The following SLC23A1 variants were observed in gnomAD, a reference collection of about 807,000 sequenced individuals.
The protein encoded by SLC23A1 is Na(+)/L-ascorbic acid transporter 1.
SLC23A1 carries 31 observed loss-of-function variants against 62.5 expected under a neutral mutation model. The observed-to-expected ratio is 0.50, with a 90% confidence interval of 0.37 to 0.67. The LOEUF (loss-of-function observed/expected upper bound fraction) is 0.67. Among genes scored for constraint, SLC23A1 ranks in the 30% least tolerant of loss-of-function variants. The pLI is 0.00. For missense variants in SLC23A1, 640 were observed against 782.7 expected, an observed-to-expected ratio of 0.82 and a Z score of 2.18; for synonymous variants, 271 against 313.2, an observed-to-expected ratio of 0.87 and a Z score of 1.42.
At position 139,379,143 on chromosome 5, in the gene SLC23A1, T is replaced by C; in HGVS notation, c.1073+64A>G. 2.6e-6 allele frequency: 4 copies of C among 1,565,544 alleles called. No individual in the cohort carries two copies. The highest frequency in any genetic ancestry group is 3.5e-6 in the Non-Finnish European group (4 of 1,139,906). ...CCTACCCCCTGGGCCTCCACCCCGTTCCTGTGTGTGCTTCCTGGGTGGCGC... is the reference window on the plus strand; with the variant it reads ...CCTACCCCCTGGGCCTCCACCCCGTCCCTGTGTGTGCTTCCTGGGTGGCGC... On this transcript the variant is annotated intron_variant, in intron 9 of 14. Coordinates refer to ENST00000348729, the MANE Select transcript of SLC23A1 (RefSeq NM_005847.5). This position sits in a 1 kb window ranked among gnomAD's most constrained non-coding sequence, Gnocchi z 4.7.
At chr5:139,370,735 C>T (rs146461960) in intron 14 of SLC23A1, among the ~76,000 whole-genome samples, 4 of 151,858 alleles carry the variant, frequency 2.6e-5, no homozygotes, top group South Asian at 2.1e-4. Flanking sequence ...CTCAGGTGAT[C>T]GCCCTTAAGA....
chr5:139,378,198 C>G lies in SLC23A1; in HGVS notation c.1309+24G>C, dbSNP rs539229791. ...CCCACTCGGCGACCCGCACCGCGAC[C>G]CGTGGCCCGCGCCAGACACTCACCA... On this transcript the variant is annotated intron_variant, in intron 11 of 14. Transcript: ENST00000348729. The surrounding 1 kb of genome is among the most constrained non-coding windows in gnomAD (Gnocchi z 4.5). The G allele has an allele frequency of 1.0e-4, 167 of 1,612,932 alleles. 2 individuals carry two copies. In the East Asian group the frequency reaches 3.5e-3, roughly 33 times the overall value.
upstream of SLC23A1, chr5:139,384,368 C>A: frequency 7.8e-7 from 1 of 1,287,782 alleles, no homozygotes; most frequent in Non-Finnish European, 1.0e-6. Flanking sequence ...TTCTGGGTCG[C>A]TGTGCCCATG....
upstream of SLC23A1, among the ~76,000 whole-genome samples, chr5:139,384,070 T>A (rs1437820508): frequency 6.6e-6 from 1 of 152,212 alleles, no homozygotes; most frequent in African/African-American, 2.4e-5. Context: ...TCCAAAAGTA[T>A]AAAGAATTTA....
chr5:139,382,034 A>C lies in SLC23A1; in HGVS notation c.166T>G (p.Phe56Val). The C allele has an allele frequency of 6.2e-7, 1 of 1,609,306 alleles. No homozygotes were observed. The highest frequency in any genetic ancestry group is 1.1e-5 in the South Asian group (1 of 89,974). ...LLGFQHYLTC[F>V]SGTIAVPFLL... The stretch of plus-strand genomic sequence containing the variant: ...AAGGGCACGGCGATGGTACCACTGA[A>C]GCATGTCAGGTAGTGCTGGGCAGAG... The change falls in exon 3 of 15, where the codon TTC (phenylalanine) becomes GTC (valine). Residue 56 changes from phenylalanine (F) to valine (V), a missense_variant. Coordinates refer to ENST00000348729, the MANE Select transcript of SLC23A1 (RefSeq NM_005847.5).
In SLC23A1 at chr5:139,378,382, T is replaced by A. The variant is rs901038025; in HGVS notation, c.1180-31A>T. On this transcript the variant is annotated intron_variant, in intron 10 of 14. Transcript: ENST00000348729. This position sits in a 1 kb window ranked among gnomAD's most constrained non-coding sequence, Gnocchi z 4.5. ...GGGGAGCCAGCGGGGAAGCTAGACCTGGGGACGAGGCTGGGGCGGGGTTAG... is the reference window on the plus strand; with the variant it reads ...GGGGAGCCAGCGGGGAAGCTAGACCAGGGGACGAGGCTGGGGCGGGGTTAG... 1 of 1,547,622 alleles carries A rather than the reference T, an allele frequency of 6.5e-7. No individual in the cohort carries two copies. The highest frequency in any genetic ancestry group is 8.7e-7 in the Non-Finnish European group (1 of 1,145,626).
chr5:139,385,136 A>G (rs1270915525), upstream of SLC23A1, among the ~76,000 whole-genome samples: 2 of 152,312 alleles, frequency 1.3e-5, no homozygotes, highest in East Asian at 3.9e-4. Context: ...GCATCTGTCA[A>G]AGGGGGATTA....
At chr5:139,373,179 TTG>T (rs1278048651) in intron 13 of SLC23A1, among the ~76,000 whole-genome samples, 2 of 151,370 alleles carry the variant, frequency 1.3e-5, no homozygotes, top group African/African-American at 4.9e-5. Flanking sequence ...GTTTTTTTTG[TTG>T]TTGTTGTTGT....
intron 14 of SLC23A1, chr5:139,369,780 G>C (rs1757539943): frequency 6.6e-6 from 1 of 152,270 alleles, no homozygotes; most frequent in African/African-American, 2.4e-5. Context: ...TTGAGTATGG[G>C]CCCAGTGCCT....
Position 139,379,880 on chromosome 5 carries a change from G to A in SLC23A1, c.769-46C>T. On this transcript the variant is annotated intron_variant, in intron 7 of 14. Transcript: ENST00000348729. This position sits in a 1 kb window ranked among gnomAD's most constrained non-coding sequence, Gnocchi z 4.7. Reference sequence around the variant, plus strand: ...GGCACTGAAGGCACTGGAGGTCTCTGTCCAGGCTAACCTGCTCCCACCTCA... The same window carrying A: ...GGCACTGAAGGCACTGGAGGTCTCTATCCAGGCTAACCTGCTCCCACCTCA... 1 of 1,613,946 alleles carries A rather than the reference G, an allele frequency of 6.2e-7. No individual in the cohort carries two copies. Among genetic ancestry groups the A allele is most frequent in the Non-Finnish European group, 8.5e-7 (1 of 1,179,880 alleles).
In SLC23A1 at chr5:139,379,778, G is replaced by A. The variant is rs760675502; in HGVS notation, c.825C>T (p.Asp275=). ...AGGCTTTTGGGTCTGTGGGCAGCACGTCTGTCAAGGTCAGGACATAGCAGA... is the reference window on the plus strand; with the variant it reads ...AGGCTTTTGGGTCTGTGGGCAGCACATCTGTCAAGGTCAGGACATAGCAGA... ...WLLCYVLTLT[D]VLPTDPKAYG... Residue 275 remains aspartate (D), a synonymous_variant, in exon 8 of 15, where the codon GAC becomes GAT. Coordinates refer to ENST00000348729, the MANE Select transcript of SLC23A1 (RefSeq NM_005847.5). This position sits in a 1 kb window ranked among gnomAD's most constrained non-coding sequence, Gnocchi z 4.7. 1.2e-5 allele frequency: 20 copies of A among 1,613,960 alleles called. No individual in the cohort carries two copies. The highest frequency in any genetic ancestry group is 5.0e-5 in the Admixed American group (3 of 60,004).
intron 13 of SLC23A1, among the ~76,000 whole-genome samples, chr5:139,372,903 A>C (rs956093055): frequency 3.3e-5 from 5 of 152,136 alleles, no homozygotes; most frequent in Non-Finnish European, 5.9e-5. Flanking sequence ...TTTAAGATGA[A>C]GAAAGGGACA....
intron 13 of SLC23A1, among the ~76,000 whole-genome samples, chr5:139,376,710 T>C (rs1483521732): frequency 6.6e-6 from 1 of 152,208 alleles, no homozygotes; most frequent in African/African-American, 2.4e-5. Context: ...CTAGTCGCCA[T>C]TGTGGCAGGC....
chr5:139,377,616 C>A, intron 12 of SLC23A1, 119 bp from the exon 13 acceptor site: 1 of 668,008 alleles, frequency 1.5e-6, no homozygotes, highest in Non-Finnish European at 2.7e-6. Flanking sequence ...TCAAACCTAT[C>A]TCTGTCTTTC....
chr5:139,380,203 C>T lies in SLC23A1; in HGVS notation c.647+5G>A. The T allele has an allele frequency of 1.3e-6, 2 of 1,556,780 alleles. No homozygotes were observed. Among genetic ancestry groups the T allele is most frequent in the Non-Finnish European group, 1.7e-6 (2 of 1,149,922 alleles). On this transcript the variant is annotated splice_donor_5th_base_variant and intron_variant, in intron 6 of 14. Transcript: ENST00000348729. The stretch of plus-strand genomic sequence containing the variant: ...GGGCAGGGATCAGGCCTGGTGCCTG[C>T]TCACCAAGCTGAGATGCCCCAGTGG...
rs752278035 is a variant in SLC23A1, at chr5:139,383,281, TGAG to T, written c.-31_-29del. ...TTGGGGCACAGGTTTGAGCAGTTCC[TGAG>T]GAGAAGAGGGGATGACTTGACAAAG... On this transcript the variant is annotated 5_prime_UTR_variant, in exon 1 of 15. Coordinates refer to ENST00000348729, the MANE Select transcript of SLC23A1 (RefSeq NM_005847.5). 3.8e-6 allele frequency: 6 copies of T among 1,591,994 alleles called. No individual in the cohort carries two copies. Among genetic ancestry groups the T allele is most frequent in the African/African-American group, 2.7e-5 (2 of 73,890 alleles).
intron 13 of SLC23A1, among the ~76,000 whole-genome samples, chr5:139,376,018 G>A (rs866729870): frequency 2.0e-5 from 3 of 151,488 alleles, no homozygotes; most frequent in South Asian, 4.2e-4. Flanking sequence ...CCTGTGCACC[G>A]GTAGTCCCAA....
At position 139,372,197 on chromosome 5, in the gene SLC23A1, C is replaced by T; in HGVS notation, c.1606G>A (p.Asp536Asn). The T allele has an allele frequency of 6.2e-7, 1 of 1,613,536 alleles. No homozygotes were observed. The highest frequency in any genetic ancestry group is 8.5e-7 in the Non-Finnish European group (1 of 1,179,428). ...QWKAGAHANS[D>N]MSSSLKSYDF... ...TAGCTCTTGAGGCTGGAAGACATGTCACTGTTGGCATGAGCCCCAGCTTTC... is the reference window on the plus strand; with the variant it reads ...TAGCTCTTGAGGCTGGAAGACATGTTACTGTTGGCATGAGCCCCAGCTTTC... Residue 536 changes from aspartate (D) to asparagine (N), a missense_variant, in exon 14 of 15, where the codon GAC (aspartate) becomes AAC (asparagine). Transcript: ENST00000348729.
At chr5:139,381,869 G>A in intron 3 of SLC23A1, 23 bp downstream of exon 3, 2 of 1,542,346 alleles carry the variant, frequency 1.3e-6, no homozygotes, top group Non-Finnish European at 1.8e-6. Flanking sequence ...GCGGGGGACG[G>A]GTTGGGGGGC....
Sources: allele counts gnomAD v4.1 joint callset (sites outside exome capture counted in the v4.1 genomes callset), GRCh38; gene constraint gnomAD v4.1.1; non-coding constraint Gnocchi (gnomAD v3.1); transcripts MANE v1.5; gene names NCBI Gene and HGNC (gene_info 2026-07-23, HGNC 2026-07-21).